The following BICRAL variants were observed in gnomAD, a reference collection of about 807,000 sequenced individuals.
BICRAL encodes the protein BICRA like chromatin remodeling complex associated protein.
Under a neutral mutation model 91.8 loss-of-function variants are expected in BICRAL, and 8 were observed. The observed-to-expected ratio is 0.09, with a 90% CI of 0.05 to 0.16. BICRAL has a LOEUF of 0.16. Ranked by LOEUF, BICRAL falls within the 10% of genes least tolerant of loss-of-function variation. The probability of loss-of-function intolerance (pLI) is 1.00; values close to 1 mark genes in which losing one functional copy is unlikely to be tolerated. For missense variants in BICRAL, 1,038 were observed against 1,310.9 expected (o/e 0.79, Z 3.21); for synonymous variants, 445 against 491.1 (o/e 0.91, Z 1.24).
chr6:42,791,935 C>A (rs1393653213), intron 1 of BICRAL, among the ~76,000 whole-genome samples: 3 of 152,148 alleles, frequency 2.0e-5, no homozygotes, highest in African/African-American at 7.2e-5. Flanking sequence ...GCCTATTCCT[C>A]CTGTATTGTA....
intron 1 of BICRAL, among the ~76,000 whole-genome samples, chr6:42,793,342 C>T (rs370364253): frequency 4.4e-5 from 3 of 67,796 alleles, no homozygotes; most frequent in Non-Finnish European, 8.3e-5. Context: ...TTAGTAGAGA[C>T]GGGGTTTCAC....
chr6:42,837,762 A>G (rs1764684177), intron 6 of BICRAL, among the ~76,000 whole-genome samples: 1 of 152,012 alleles, frequency 6.6e-6, no homozygotes, highest in Admixed American at 6.6e-5. Flanking sequence ...AAAAAAAAAA[A>G]AAAGAAAAAT....
chr6:42,859,934 C>T (rs1250314488), intron 10 of BICRAL, among the ~76,000 whole-genome samples: 1 of 152,076 alleles, frequency 6.6e-6, no homozygotes, highest in Non-Finnish European at 1.5e-5. Context: ...CATGAGCCAC[C>T]GTGCCCGGCC....
chr6:42,773,676 A>G (rs1762773253), intron 1 of BICRAL, among the ~76,000 whole-genome samples: 1 of 151,846 alleles, frequency 6.6e-6, no homozygotes, highest in Non-Finnish European at 1.5e-5. Flanking sequence ...CGCCACGCCC[A>G]GCTAATTTTT....
At chr6:42,852,837 C>T (rs767265697) in intron 7 of BICRAL, among the ~76,000 whole-genome samples, 6 of 151,790 alleles carry the variant, frequency 4.0e-5, no homozygotes, top group Non-Finnish European at 4.4e-5. Context: ...GTGGCTCACA[C>T]CTGTAATCCC....
chr6:42,794,449 G>A (rs1166952885), intron 1 of BICRAL, among the ~76,000 whole-genome samples: 1 of 127,072 alleles, frequency 7.9e-6, no homozygotes. Flanking sequence ...GTGTGTGTGT[G>A]TGTGTTTGGC....
At chr6:42,833,273 C>T (rs903300155) in intron 6 of BICRAL, among the ~76,000 whole-genome samples, 14 of 151,808 alleles carry the variant, frequency 9.2e-5, no homozygotes, top group African/African-American at 2.7e-4. Flanking sequence ...GCCAGGTGAC[C>T]TCCTGACCTC....
chr6:42,822,721 C>A, intron 3 of BICRAL, 75 bp from the exon 4 acceptor site: 1 of 748,664 alleles, frequency 1.3e-6, no homozygotes, highest in South Asian at 1.7e-5. Flanking sequence ...TCTTTCTACT[C>A]TAGTAAAAAT....
At chr6:42,786,410 GT>G (rs1282093393) in intron 1 of BICRAL, among the ~76,000 whole-genome samples, 2 of 152,110 alleles carry the variant, frequency 1.3e-5, no homozygotes, top group East Asian at 3.9e-4. Context: ...TTCTCCCCTT[GT>G]TTTTTATGGT....
chr6:42,848,028 C>T (rs1297924596), intron 6 of BICRAL, among the ~76,000 whole-genome samples: 2 of 151,952 alleles, frequency 1.3e-5, no homozygotes, highest in African/African-American at 2.4e-5. Flanking sequence ...ACTCGGGAGG[C>T]TGAGGCAGGA....
chr6:42,761,074 T>G (rs992727201), intron 1 of BICRAL, among the ~76,000 whole-genome samples: 8 of 152,196 alleles, frequency 5.3e-5, no homozygotes, highest in African/African-American at 1.9e-4. Context: ...TTAAATCTCT[T>G]AAAACTTTTC....
At chr6:42,792,823 G>T (rs139826249) in intron 1 of BICRAL, among the ~76,000 whole-genome samples, 2 of 152,050 alleles carry the variant, frequency 1.3e-5, no homozygotes, top group Non-Finnish European at 2.9e-5. Context: ...TGAGGCACAA[G>T]AATTGTTTGA....
chr6:42,819,852 C>T lies in BICRAL; in HGVS notation c.-5-2166C>T, dbSNP rs924884667. ...GTAAAGGCTCCTAGAGTTGTACCTA[C>T]TGGGACCAGAGGAGAAGGCCTGTCT... On this transcript the variant is annotated intron_variant, in intron 2 of 12. Coordinates refer to ENST00000314073, the MANE Select transcript of BICRAL (RefSeq NM_001393499.1). Among the ~76,000 whole-genome samples the T allele has an allele frequency of 1.3e-4, 20 of 152,306 alleles. 1 individual carries two copies. The highest frequency in any genetic ancestry group is 4.3e-4 in the African/African-American group (18 of 41,572).
At chr6:42,777,674 G>A (rs1431250617), upstream of BICRAL, among the ~76,000 whole-genome samples, 1 of 152,062 alleles carries the variant, frequency 6.6e-6, no homozygotes, top group Non-Finnish European at 1.5e-5. Context: ...AACATTTGGA[G>A]GGAAAAAAAG....
At chr6:42,815,883 C>T (rs1398165815) in intron 2 of BICRAL, among the ~76,000 whole-genome samples, 2 of 146,380 alleles carry the variant, frequency 1.4e-5, no homozygotes, top group Admixed American at 7.1e-5. Flanking sequence ...TCTCGGGAGG[C>T]TGAGGCAGGA....
At chr6:42,801,882 C>CA (rs1447496119) in intron 1 of BICRAL, among the ~76,000 whole-genome samples, 2 of 129,666 alleles carry the variant, frequency 1.5e-5, no homozygotes, top group African/African-American at 2.9e-5. Context: ...GACTCCATCT[C>CA]AAAAAAAATA....
chr6:42,783,006 G>T (rs1234532673), intron 1 of BICRAL, among the ~76,000 whole-genome samples: 1 of 151,896 alleles, frequency 6.6e-6, no homozygotes, highest in Non-Finnish European at 1.5e-5. Context: ...GGAGGGAGGC[G>T]GCGGAGACGG....
chr6:42,859,651 T>TA (rs893603618), intron 10 of BICRAL, among the ~76,000 whole-genome samples: 65 of 151,442 alleles, frequency 4.3e-4, no homozygotes, highest in Middle Eastern at 3.4e-3. Context: ...TATATATATA[T>TA]TTTTTTTTGA....
At chr6:42,751,629 TA>T (rs373786457) in intron 1 of BICRAL, among the ~76,000 whole-genome samples, 129 of 150,416 alleles carry the variant, frequency 8.6e-4, no homozygotes, top group African/African-American at 3.1e-3. Context: ...CCCAGGCAAA[TA>T]AAAGGACCCT....
Sources: allele counts gnomAD v4.1 joint callset (sites outside exome capture counted in the v4.1 genomes callset), GRCh38; gene constraint gnomAD v4.1.1; transcripts MANE v1.5; gene names NCBI Gene and HGNC (gene_info 2026-07-23, HGNC 2026-07-21).